FMN1: variants seen among roughly 807,000 people sequenced by gnomAD.
FMN1 encodes formin 1.
A neutral mutation model predicts 132.4 loss-of-function variants in FMN1; 110 were observed. The observed-to-expected ratio is 0.83, with a 90% CI of 0.71 to 0.97. The LOEUF (loss-of-function observed/expected upper bound fraction) is 0.97. Among genes scored for constraint, FMN1 ranks in the 50% least tolerant of loss-of-function variants. The pLI is 0.00. For missense variants in FMN1, 1,792 were observed against 1,705.3 expected (o/e 1.05, Z -0.90); for synonymous variants, 722 against 651.7 (o/e 1.11, Z -1.64).
At chr15:32,846,381 G>T (rs1356596180) in intron 17 of FMN1, among the ~76,000 whole-genome samples, 2 of 151,904 alleles carry the variant, frequency 1.3e-5, no homozygotes, top group African/African-American at 2.4e-5. Flanking sequence ...AAATTTACAA[G>T]AAACAACCCC....
intron 17 of FMN1, among the ~76,000 whole-genome samples, chr15:32,808,681 T>A (rs1028360976): frequency 1.3e-5 from 2 of 152,172 alleles, no homozygotes; most frequent in Non-Finnish European, 2.9e-5. Flanking sequence ...ACTGAACGTG[T>A]GAGATTAATC....
intron 2 of FMN1, among the ~76,000 whole-genome samples, chr15:33,191,087 G>A (rs1313611955): frequency 1.3e-5 from 2 of 151,642 alleles, no homozygotes; most frequent in Admixed American, 6.6e-5. Context: ...GGAGAATGGC[G>A]TGAACCCGGG....
At position 32,801,852 on chromosome 15, in the gene FMN1, C is replaced by T. The variant is rs138684125; in HGVS notation, c.3980+2429G>A. On this transcript the variant is annotated intron_variant, in intron 18 of 20. Coordinates refer to ENST00000616417, the MANE Select transcript of FMN1 (RefSeq NM_001277313.2). ...CTTATTTGATTTCATTGTTATTCCA[C>T]TGTTTAAGAAAATGCTAAAAGCTAG... Among the ~76,000 whole-genome samples the T allele has an allele frequency of 5.9e-3, 900 of 152,310 alleles. 3 individuals carry two copies. Among genetic ancestry groups the T allele is most frequent in the South Asian group, 0.012 (60 of 4,830 alleles).
intron 6 of FMN1, among the ~76,000 whole-genome samples, chr15:33,046,376 T>C (rs879683879): frequency 2.0e-5 from 3 of 152,184 alleles, no homozygotes; most frequent in African/African-American, 7.2e-5. Flanking sequence ...CATCTAGGGA[T>C]GCCTATTAAT....
intron 8 of FMN1, 39 bp downstream of exon 8, chr15:32,968,675 G>A (rs781590363): frequency 1.2e-6 from 2 of 1,609,928 alleles, no homozygotes; most frequent in Admixed American, 3.4e-5. Flanking sequence ...CCAAATCCTA[G>A]GAATTCACAT....
chr15:33,058,739 G>GT (rs2037348487), intron 6 of FMN1, among the ~76,000 whole-genome samples: 1 of 152,042 alleles, frequency 6.6e-6, no homozygotes, highest in East Asian at 1.9e-4. Context: ...TTCAGATCCC[G>GT]TAATTTGTAA....
At chr15:33,096,458 G>C (rs992642480) in intron 4 of FMN1, among the ~76,000 whole-genome samples, 1 of 152,140 alleles carries the variant, frequency 6.6e-6, no homozygotes, top group African/African-American at 2.4e-5. Context: ...AACACATCCA[G>C]ATTCGTAAAT....
At chr15:32,867,834 T>A (rs1023130152) in intron 16 of FMN1, among the ~76,000 whole-genome samples, 1 of 152,186 alleles carries the variant, frequency 6.6e-6, no homozygotes, top group Non-Finnish European at 1.5e-5. Context: ...TGAGAGACCC[T>A]CTGTTACAAA....
intron 4 of FMN1, among the ~76,000 whole-genome samples, chr15:33,089,372 C>G (rs2038823659): frequency 6.6e-6 from 1 of 152,208 alleles, no homozygotes; most frequent in Admixed American, 6.5e-5. Context: ...TTCTCCAGGG[C>G]AGGAACTGTG....
chr15:33,159,264 T>C (rs141879121), intron 3 of FMN1, among the ~76,000 whole-genome samples: 14 of 152,174 alleles, frequency 9.2e-5, no homozygotes, highest in African/African-American at 2.9e-4. Flanking sequence ...AGGAAAGAAT[T>C]TGGTTTCATG....
chr15:32,847,595 C>T (rs867310011), intron 17 of FMN1, among the ~76,000 whole-genome samples: 67 of 152,274 alleles, frequency 4.4e-4, no homozygotes, highest in African/African-American at 1.4e-3. Flanking sequence ...TGGCTCATGC[C>T]TGTAATCCCA....
intron 6 of FMN1, 152 bp downstream of exon 6, chr15:33,064,805 G>T: frequency 1.9e-6 from 1 of 536,038 alleles, no homozygotes; most frequent in Non-Finnish European, 3.3e-6. Context: ...GTGTGCAAAG[G>T]TTCACTTTAA....
chr15:33,104,397 G>A lies in FMN1; in HGVS notation c.1868-15423C>T, dbSNP rs546215944. 1.1e-4 allele frequency among the ~76,000 whole-genome samples: 16 copies of A among 152,206 alleles called. No individual in the cohort carries two copies. The East Asian group carries it at 2.3e-3, about 22-fold the overall frequency. Reference sequence around the variant, plus strand: ...AAATGAGTCACAACAGTGACTTGTTGCTAAGGAATAGAAGCACCAAATAAT... The same window carrying A: ...AAATGAGTCACAACAGTGACTTGTTACTAAGGAATAGAAGCACCAAATAAT... On this transcript the variant is annotated intron_variant, in intron 4 of 20. Transcript: ENST00000616417.
intron 9 of FMN1, among the ~76,000 whole-genome samples, chr15:32,948,320 T>C (rs1360851560): frequency 1.3e-5 from 2 of 152,182 alleles, no homozygotes; most frequent in East Asian, 3.9e-4. Flanking sequence ...GGATTTCATT[T>C]GCTAATATTC....
intron 5 of FMN1, among the ~76,000 whole-genome samples, chr15:33,082,796 G>A (rs1382537821): frequency 1.3e-5 from 2 of 151,992 alleles, no homozygotes; most frequent in Non-Finnish European, 2.9e-5. Flanking sequence ...TCACACATTT[G>A]GATCTTGTTT....
chr15:32,805,634 G>A (rs2057653519), intron 17 of FMN1, among the ~76,000 whole-genome samples: 1 of 152,198 alleles, frequency 6.6e-6, no homozygotes, highest in African/African-American at 2.4e-5. Flanking sequence ...ACTTTTGAGA[G>A]TAATGTTAAT....
At chr15:32,856,422 G>A (rs1041934643) in intron 17 of FMN1, among the ~76,000 whole-genome samples, 1 of 152,192 alleles carries the variant, frequency 6.6e-6, no homozygotes, top group African/African-American at 2.4e-5. Flanking sequence ...AAACTGTGAA[G>A]GAAGGAAATC....
At chr15:32,844,605 GTGTC>G (rs745747981) in intron 17 of FMN1, among the ~76,000 whole-genome samples, 3 of 152,028 alleles carry the variant, frequency 2.0e-5, no homozygotes, top group South Asian at 4.1e-4. Flanking sequence ...CAAAAATAAA[GTGTC>G]TGGTCTTAAC....
At chr15:32,961,223 T>A (rs527427528) in intron 9 of FMN1, among the ~76,000 whole-genome samples, 79 of 150,392 alleles carry the variant, frequency 5.3e-4, no homozygotes, top group Non-Finnish European at 8.4e-4. Flanking sequence ...AACCTCTGCC[T>A]CCTGGGTTAA....
Sources: allele counts gnomAD v4.1 joint callset (sites outside exome capture counted in the v4.1 genomes callset), GRCh38; gene constraint gnomAD v4.1.1; transcripts MANE v1.5; gene names NCBI Gene and HGNC (gene_info 2026-07-23, HGNC 2026-07-21).